The following LEKR1 variants were observed in gnomAD, a reference collection of about 807,000 sequenced individuals.
LEKR1 encodes the protein protein LEKR1.
In LEKR1, 59 loss-of-function variants were observed where a neutral mutation model predicts 72.4. The ratio of observed to expected loss-of-function variants is 0.82; its 90% CI spans 0.66 to 1.01. The LOEUF is 1.01. LEKR1 is among the 50% of genes least tolerant of loss of function. The probability of loss-of-function intolerance (pLI) is 0.00; values close to 1 mark genes in which losing one functional copy is unlikely to be tolerated. For missense variants in LEKR1, 728 were observed against 759.2 expected (o/e 0.96, Z 0.48); for synonymous variants, 257 against 263.2 (o/e 0.98, Z 0.23).
intron 10 of LEKR1, among the ~76,000 whole-genome samples, chr3:157,022,401 A>G (rs1483217344): frequency 6.6e-6 from 1 of 152,194 alleles, no homozygotes; most frequent in African/African-American, 2.4e-5. Flanking sequence ...CTGTTCAGGA[A>G]GTGATGGTGG....
chr3:156,914,627 A>G (rs894947351), intron 3 of LEKR1, among the ~76,000 whole-genome samples: 1 of 152,088 alleles, frequency 6.6e-6, no homozygotes, highest in Non-Finnish European at 1.5e-5. Context: ...GCCGCTGTCA[A>G]TTTGTTTTAA....
chr3:156,970,840 G>C (rs1729106847), intron 6 of LEKR1, among the ~76,000 whole-genome samples: 1 of 151,946 alleles, frequency 6.6e-6, no homozygotes, highest in African/African-American at 2.4e-5. Flanking sequence ...AAATAAAAGA[G>C]GATACAAACA....
At chr3:156,889,812 A>C (rs1045487547) in intron 3 of LEKR1, among the ~76,000 whole-genome samples, 2 of 152,236 alleles carry the variant, frequency 1.3e-5, no homozygotes, top group African/African-American at 2.4e-5. Context: ...AATTCAAAGT[A>C]CAGTGTACAA....
intron 3 of LEKR1, among the ~76,000 whole-genome samples, chr3:156,860,074 C>A (rs1401187901): frequency 6.6e-6 from 1 of 152,222 alleles, no homozygotes; most frequent in East Asian, 1.9e-4. Flanking sequence ...GCCTTCTTTC[C>A]ACTTTTCAGA....
At chr3:157,012,871 C>T (rs896632803) in intron 10 of LEKR1, among the ~76,000 whole-genome samples, 11 of 152,030 alleles carry the variant, frequency 7.2e-5, no homozygotes, top group Admixed American at 7.2e-4. Flanking sequence ...CTGGTCTGCA[C>T]TTATTCCCTT....
chr3:156,977,601 G>T, intron 6 of LEKR1: 1 of 282,180 alleles, frequency 3.5e-6, no homozygotes. Flanking sequence ...ATGCAACAAA[G>T]TATACACTAA....
intron 6 of LEKR1, among the ~76,000 whole-genome samples, chr3:156,955,454 A>G (rs1727537323): frequency 6.6e-6 from 1 of 151,942 alleles, no homozygotes; most frequent in Admixed American, 6.6e-5. Context: ...TAGCTTTTGC[A>G]CATTCAGTAT....
chr3:157,001,565 A>C (rs1327874976), intron 9 of LEKR1, among the ~76,000 whole-genome samples: 2 of 152,212 alleles, frequency 1.3e-5, no homozygotes, highest in African/African-American at 2.4e-5. Flanking sequence ...AATTTAATAA[A>C]GTTTTTAAAA....
intron 12 of LEKR1, among the ~76,000 whole-genome samples, chr3:157,037,979 T>A (rs141073096): frequency 6.6e-6 from 1 of 152,304 alleles, no homozygotes; most frequent in East Asian, 1.9e-4. Flanking sequence ...GAAACCAAGG[T>A]TGAAGGGCCA....
At chr3:156,941,907 A>G (rs908661885) in intron 5 of LEKR1, among the ~76,000 whole-genome samples, 2 of 152,076 alleles carry the variant, frequency 1.3e-5, no homozygotes, top group Middle Eastern at 3.2e-3. Flanking sequence ...TAGAGCTATA[A>G]AGATTTTTAT....
chr3:156,944,360 G>A (rs375221009), intron 6 of LEKR1, among the ~76,000 whole-genome samples: 13 of 151,726 alleles, frequency 8.6e-5, no homozygotes, highest in South Asian at 2.1e-4. Context: ...ATTATGTCAC[G>A]GTAAATGAGG....
At chr3:156,861,316 C>A (rs1020622693) in intron 3 of LEKR1, among the ~76,000 whole-genome samples, 4 of 152,080 alleles carry the variant, frequency 2.6e-5, no homozygotes, top group African/African-American at 9.7e-5. Context: ...ACTTTTGCAG[C>A]ACTTTTTGGT....
intron 4 of LEKR1, among the ~76,000 whole-genome samples, chr3:156,926,085 G>C (rs569503701): frequency 6.6e-6 from 1 of 151,820 alleles, no homozygotes; most frequent in Non-Finnish European, 1.5e-5. Context: ...AAAGTTCTTG[G>C]GTTATTTGAT....
chr3:157,012,491 A>G lies in LEKR1; in HGVS notation c.1203+985A>G, dbSNP rs558220198. On this transcript the variant is annotated intron_variant, in intron 10 of 12. Transcript: ENST00000356539. ...CTTCAAACTAACATCTCTACCAGGA[A>G]TCCCTCACTCTGCCATCCAGCATAC... Among the ~76,000 whole-genome samples, 4 of 152,210 alleles carry G rather than the reference A, an allele frequency of 2.6e-5. No homozygotes were observed. In the East Asian group the frequency reaches 7.7e-4, roughly 29 times the overall value.
intron 3 of LEKR1, among the ~76,000 whole-genome samples, chr3:156,882,619 A>C (rs1241472001): frequency 6.6e-6 from 1 of 152,202 alleles, no homozygotes; most frequent in Non-Finnish European, 1.5e-5. Flanking sequence ...CTAGAACTAG[A>C]AATACCATTT....
chr3:156,956,583 A>G (rs1392987562), intron 6 of LEKR1, among the ~76,000 whole-genome samples: 5 of 152,062 alleles, frequency 3.3e-5, no homozygotes, highest in Non-Finnish European at 7.4e-5. Context: ...ACATCAAAAT[A>G]AGCCTCAAGG....
chr3:156,962,732 G>C (rs1728232862), intron 6 of LEKR1, among the ~76,000 whole-genome samples: 1 of 152,032 alleles, frequency 6.6e-6, no homozygotes, highest in African/African-American at 2.4e-5. Context: ...ATGATCATAG[G>C]CATCTACTCC....
At chr3:157,025,209 A>G (rs1339450529) in intron 11 of LEKR1, among the ~76,000 whole-genome samples, 2 of 152,216 alleles carry the variant, frequency 1.3e-5, no homozygotes, top group Non-Finnish European at 2.9e-5. Context: ...GTACGGCTAG[A>G]TATTTCAACA....
At chr3:157,030,881 G>A (rs1734555130) in intron 12 of LEKR1, among the ~76,000 whole-genome samples, 1 of 152,176 alleles carries the variant, frequency 6.6e-6, no homozygotes, top group African/African-American at 2.4e-5. Context: ...GAACAGCTCA[G>A]TGTGTCAGCT....
Sources: gnomAD v4.1 joint callset for allele counts (sites outside exome capture counted in the v4.1 genomes callset) on GRCh38, gnomAD v4.1.1 for gene constraint, MANE v1.5 for transcripts, NCBI Gene and HGNC (gene_info 2026-07-23, HGNC 2026-07-21) for gene names.